RIMKLB: variants seen among roughly 807,000 people sequenced by gnomAD.
The protein encoded by RIMKLB is beta-citrylglutamate synthase B.
A neutral mutation model predicts 32.0 loss-of-function variants in RIMKLB; 7 were observed. The observed-to-expected ratio is 0.22, with a 90% CI of 0.12 to 0.41. RIMKLB has a LOEUF of 0.41. RIMKLB is among the 10% of genes least tolerant of loss of function. RIMKLB has a pLI of 1.00. For missense variants in RIMKLB, 289 were observed against 498.7 expected, an observed-to-expected ratio of 0.58 and a Z score of 4.00; for synonymous variants, 172 against 185.1, an observed-to-expected ratio of 0.93 and a Z score of 0.57.
intron 2 of RIMKLB, among the ~76,000 whole-genome samples, chr12:8,740,227 T>A (rs959355461): frequency 6.6e-6 from 1 of 152,226 alleles, no homozygotes; most frequent in Non-Finnish European, 1.5e-5. Context: ...TTCTAGTTTC[T>A]GAATTCTTTG....
At chr12:8,768,699 T>C (rs1403848167) in intron 5 of RIMKLB, among the ~76,000 whole-genome samples, 2 of 152,198 alleles carry the variant, frequency 1.3e-5, no homozygotes, top group Non-Finnish European at 2.9e-5. Context: ...ATAGCTTTTA[T>C]CACTTTCTGA....
chr12:8,717,583 T>A (rs537807833), intron 2 of RIMKLB, among the ~76,000 whole-genome samples: 2 of 152,164 alleles, frequency 1.3e-5, no homozygotes, highest in Non-Finnish European at 2.9e-5. Context: ...AATCATGGAG[T>A]CAACTTTCTT....
chr12:8,733,610 C>T (rs1192222269), intron 2 of RIMKLB, among the ~76,000 whole-genome samples: 1 of 152,192 alleles, frequency 6.6e-6, no homozygotes, highest in Non-Finnish European at 1.5e-5. Context: ...TGGTGGCTCA[C>T]GCCTGTAATC....
chr12:8,694,716 C>T (rs1942836212), upstream of RIMKLB, among the ~76,000 whole-genome samples: 1 of 152,090 alleles, frequency 6.6e-6, no homozygotes, highest in Non-Finnish European at 1.5e-5. Context: ...TCTCATGTGT[C>T]TAGGAATAAG....
At chr12:8,701,937 C>CAG (rs1288724800) in intron 1 of RIMKLB, among the ~76,000 whole-genome samples, 2 of 151,382 alleles carry the variant, frequency 1.3e-5, no homozygotes, top group African/African-American at 4.9e-5. Flanking sequence ...ACCCTGGAGG[C>CAG]AGAGGTTGCA....
At chr12:8,741,648 CG>C (rs1947541825) in intron 2 of RIMKLB, among the ~76,000 whole-genome samples, 2 of 148,760 alleles carry the variant, frequency 1.3e-5, no homozygotes, top group Non-Finnish European at 3.0e-5. Context: ...GGCGTGATGG[CG>C]GGTGCCTGTA....
intron 2 of RIMKLB, among the ~76,000 whole-genome samples, chr12:8,718,425 C>G (rs1464061252): frequency 6.6e-6 from 1 of 152,144 alleles, no homozygotes; most frequent in Non-Finnish European, 1.5e-5. Context: ...GCCGGCAGAT[C>G]GCGAGGTCAG....
upstream of RIMKLB, among the ~76,000 whole-genome samples, chr12:8,692,548 T>G (rs777235964): frequency 2.0e-5 from 3 of 152,316 alleles, no homozygotes; most frequent in South Asian, 6.2e-4. Flanking sequence ...CAGATACAAT[T>G]AAAGAAGTAG....
chr12:8,716,009 A>G (rs1328296135), intron 2 of RIMKLB, among the ~76,000 whole-genome samples: 1 of 152,200 alleles, frequency 6.6e-6, no homozygotes, highest in Non-Finnish European at 1.5e-5. Flanking sequence ...CACTTAGTGT[A>G]TTGGGAGCCA....
chr12:8,673,235 A>T, the RIMKLB span, among the ~76,000 whole-genome samples: 1 of 151,998 alleles, frequency 6.6e-6, no homozygotes, highest in African/African-American at 2.4e-5. Context: ...ACAGTGACAG[A>T]GCTATGCTGA....
rs563926515 is a variant in RIMKLB, at chr12:8,700,434, A to T, written c.-57+2137A>T. 9.6e-4 allele frequency: 147 copies of T among 152,334 alleles called. 1 individual carries two copies. Among genetic ancestry groups the T allele is most frequent in the Middle Eastern group, 6.7e-3 (2 of 298 alleles). The allele number at this position is 152,334 out of a possible 1,614,324, so 9.4% of individuals were successfully genotyped here. On this transcript the variant is annotated intron_variant, in intron 1 of 5. Coordinates refer to ENST00000535829, the MANE Select transcript of RIMKLB (RefSeq NM_001297776.2). ...GACCAACCATGAACACTAGTAGGGG[A>T]TGGGGAAAGGGGACAGAGCAGAGCC...
chr12:8,740,256 C>G (rs1947378284), intron 2 of RIMKLB, among the ~76,000 whole-genome samples: 1 of 152,198 alleles, frequency 6.6e-6, no homozygotes, highest in South Asian at 2.1e-4. Flanking sequence ...AATAATAATA[C>G]CAACATGGTG....
chr12:8,697,841 C>T (rs1591615302), upstream of RIMKLB: 1 of 146,546 alleles, frequency 6.8e-6, no homozygotes, highest in African/African-American at 2.5e-5. Context: ...CCGGCCGCCG[C>T]CCCCCGCCCG....
At chr12:8,684,899 A>G (rs916337178) in intron 1 of RIMKLB, among the ~76,000 whole-genome samples, 1 of 152,228 alleles carries the variant, frequency 6.6e-6, no homozygotes, top group African/African-American at 2.4e-5. Context: ...GTGGGATTAC[A>G]GGCGTGAGCA....
At chr12:8,711,902 G>T (rs893820075) in intron 1 of RIMKLB, among the ~76,000 whole-genome samples, 2 of 152,102 alleles carry the variant, frequency 1.3e-5, no homozygotes, top group Admixed American at 1.3e-4. Context: ...ATGATTGTCC[G>T]CAGGGAAGAG....
the RIMKLB span, among the ~76,000 whole-genome samples, chr12:8,676,382 CTTTTTTTTTT>C: frequency 1.6e-4 from 6 of 37,308 alleles, no homozygotes; most frequent in African/African-American, 2.3e-4. Flanking sequence ...CCCCCAACAG[CTTTTTTTTTT>C]TTTTTTTTTT....
At chr12:8,733,001 A>C (rs1946689879) in intron 2 of RIMKLB, among the ~76,000 whole-genome samples, 1 of 152,180 alleles carries the variant, frequency 6.6e-6, no homozygotes, top group South Asian at 2.1e-4. Context: ...AGTCAGCTAT[A>C]AACAAATCTT....
At chr12:8,765,005 T>C (rs1451803741) in intron 5 of RIMKLB, among the ~76,000 whole-genome samples, 1 of 150,900 alleles carries the variant, frequency 6.6e-6, no homozygotes, top group Non-Finnish European at 1.5e-5. Flanking sequence ...AAAACCGAGA[T>C]TGCCAAGTTC....
chr12:8,682,293 G>T (rs956450688), intron 1 of RIMKLB, among the ~76,000 whole-genome samples: 1 of 152,102 alleles, frequency 6.6e-6, no homozygotes, highest in Non-Finnish European at 1.5e-5. Context: ...TTTCCAAGGG[G>T]TTTACACTTC....
Sources: allele counts gnomAD v4.1 joint callset (sites outside exome capture counted in the v4.1 genomes callset), GRCh38; gene constraint gnomAD v4.1.1; transcripts MANE v1.5; gene names NCBI Gene and HGNC (gene_info 2026-07-23, HGNC 2026-07-21).